LINGO3: variants seen among roughly 807,000 people sequenced by gnomAD.
LINGO3 encodes leucine rich repeat and Ig domain containing 3, also known as leucine-rich repeat and immunoglobulin-like domain-containing nogo receptor-interacting protein 3.
For missense variants in LINGO3, 750 were observed against 867.7 expected (o/e 0.86, Z 1.70); for synonymous variants, 427 against 444.2 (o/e 0.96, Z 0.49).
chr19:2,307,806 G>C, the LINGO3 span, among the ~76,000 whole-genome samples: 1 of 152,130 alleles, frequency 6.6e-6, no homozygotes, highest in South Asian at 2.1e-4. Flanking sequence ...CAGTGCCCCG[G>C]GGAGATGCCC....
chr19:2,288,295 C>G (rs1168409419), downstream of LINGO3, among the ~76,000 whole-genome samples: 1 of 152,216 alleles, frequency 6.6e-6, no homozygotes, highest in African/African-American at 2.4e-5. The surrounding 1 kb of genome is among the most constrained non-coding windows in gnomAD (Gnocchi z 6.5). Flanking sequence ...CAGGGTGAAG[C>G]CCTTGTTCCG....
rs867956626 is a variant in LINGO3, at chr19:2,290,296, G to A, written c.1481C>T (p.Thr494Met). 2 of 1,580,046 alleles carry A rather than the reference G, an allele frequency of 1.3e-6. No homozygotes were observed. The highest frequency in any genetic ancestry group is 1.7e-6 in the Non-Finnish European group (2 of 1,168,696). ...GGCCGGCTCGGGGCGCACGGTCAGCGTGGCGAAGTAGGTGTCGTTGCCGCC... is the reference window on the plus strand; with the variant it reads ...GGCCGGCTCGGGGCGCACGGTCAGCATGGCGAAGTAGGTGTCGTTGCCGCC... The change falls in exon 1 of 1, where the codon ACG becomes ATG. Residue 494 changes from threonine to methionine, a missense_variant. By Grantham distance (81) the Thr-to-Met change is moderately conservative (BLOSUM62 -1). Coordinates refer to ENST00000585527, the Ensembl canonical transcript of LINGO3. This position sits in a 1 kb window ranked among gnomAD's most constrained non-coding sequence, Gnocchi z 6.0.
chr19:2,301,331 C>T, the LINGO3 span, among the ~76,000 whole-genome samples: 1 of 149,186 alleles, frequency 6.7e-6, no homozygotes, highest in Non-Finnish European at 1.5e-5. Context: ...ATGTGGATGA[C>T]TCTCTGTCTT....
upstream of LINGO3, among the ~76,000 whole-genome samples, chr19:2,296,337 G>A (rs58228517): frequency 0.014 from 2,159 of 152,174 alleles, 50 homozygotes; most frequent in African/African-American, 0.049. Flanking sequence ...CCCACAGGCC[G>A]GGCGCGGTGG....
At chr19:2,300,776 A>C in the LINGO3 span, among the ~76,000 whole-genome samples, 5,671 of 151,946 alleles carry the variant, frequency 0.037, 354 homozygotes, top group African/African-American at 0.13. Flanking sequence ...CCAACATTCA[A>C]CGCGCTCCTC....
chr19:2,296,633 C>G (rs758484515), upstream of LINGO3, among the ~76,000 whole-genome samples: 58 of 152,084 alleles, frequency 3.8e-4, no homozygotes, highest in Non-Finnish European at 6.3e-4. Context: ...TGCCCACTAC[C>G]ACACCCGGCT....
the LINGO3 span, among the ~76,000 whole-genome samples, chr19:2,303,857 C>T: frequency 2.0e-5 from 3 of 152,376 alleles, no homozygotes; most frequent in Non-Finnish European, 4.4e-5. Flanking sequence ...GGCCCCTTGT[C>T]CACTCCAGAG....
the LINGO3 span, among the ~76,000 whole-genome samples, chr19:2,302,457 A>G: frequency 6.6e-6 from 1 of 152,176 alleles, no homozygotes; most frequent in Admixed American, 6.5e-5. Context: ...AGGTCAGAAC[A>G]GCTGTGTCCT....
chr19:2,295,418 C>G (rs2025563866), upstream of LINGO3, among the ~76,000 whole-genome samples: 1 of 152,146 alleles, frequency 6.6e-6, no homozygotes, highest in South Asian at 2.1e-4. Flanking sequence ...GCTTCGACTT[C>G]CAGACTCCAG....
chr19:2,299,486 C>T, the LINGO3 span, among the ~76,000 whole-genome samples: 2 of 151,346 alleles, frequency 1.3e-5, no homozygotes, highest in African/African-American at 2.4e-5. Context: ...TGCAGTGGTG[C>T]GATCTCGGCT....
chr19:2,306,873 G>C, the LINGO3 span, among the ~76,000 whole-genome samples: 1 of 152,118 alleles, frequency 6.6e-6, no homozygotes, highest in Non-Finnish European at 1.5e-5. Context: ...CTCCGACGAT[G>C]GCTGCTGCTT....
chr19:2,292,418 A>T (rs992120044), upstream of LINGO3, among the ~76,000 whole-genome samples: 9 of 150,890 alleles, frequency 6.0e-5, no homozygotes, highest in African/African-American at 1.7e-4. Context: ...AAAAAAAAAA[A>T]AAAAAAAGCA....
At chr19:2,289,699 G>A (rs966312006), downstream of LINGO3, 13 of 321,324 alleles carry the variant, frequency 4.0e-5, no homozygotes, top group African/African-American at 6.5e-5. Context: ...CAGCCACCCC[G>A]GGTTGGTAGA....
the LINGO3 span, among the ~76,000 whole-genome samples, chr19:2,304,640 A>G: frequency 2.7e-5 from 4 of 149,998 alleles, no homozygotes; most frequent in Non-Finnish European, 5.9e-5. Context: ...CCTCTGGGCA[A>G]TGGGAAAGAT....
At chr19:2,291,768 G>A (rs760111112) in exon 1 of LINGO3, 1 of 1,389,264 alleles carries the variant, frequency 7.2e-7, no homozygotes, top group Non-Finnish European at 9.3e-7. Context: ...CGCACAGCCA[G>A]CAGGTCATGG....
At chr19:2,306,620 T>G in the LINGO3 span, among the ~76,000 whole-genome samples, 1 of 152,206 alleles carries the variant, frequency 6.6e-6, no homozygotes, top group African/African-American at 2.4e-5. Flanking sequence ...GGCACCACAC[T>G]GCAGCCGAGG....
At chr19:2,297,905 G>A in the LINGO3 span, among the ~76,000 whole-genome samples, 2 of 151,388 alleles carry the variant, frequency 1.3e-5, no homozygotes, top group African/African-American at 2.4e-5. Context: ...CGCCTGGCCT[G>A]TTTGTTTTTT....
chr19:2,301,227 G>A, the LINGO3 span, among the ~76,000 whole-genome samples: 1 of 151,940 alleles, frequency 6.6e-6, no homozygotes, highest in East Asian at 1.9e-4. Flanking sequence ...AGTTGATCCT[G>A]GTGTCTGGTG....
At chr19:2,289,724 C>T (rs570950420), downstream of LINGO3, 125 of 320,340 alleles carry the variant, frequency 3.9e-4, 2 homozygotes, top group Middle Eastern at 3.6e-3. Context: ...AGCCCATCCC[C>T]CCATCCTTGC....
Sources: gnomAD v4.1 joint callset for allele counts (sites outside exome capture counted in the v4.1 genomes callset) on GRCh38, gnomAD v4.1.1 for gene constraint, Gnocchi (gnomAD v3.1) non-coding constraint, MANE v1.5 for transcripts, NCBI Gene and HGNC (gene_info 2026-07-23, HGNC 2026-07-21) for gene names.